The following KIAA1217 variants were observed in gnomAD, a reference collection of about 807,000 sequenced individuals.
The protein encoded by KIAA1217 is sickle tail protein homolog.
A neutral mutation model predicts 163.9 loss-of-function variants in KIAA1217; 88 were observed. That is an observed-to-expected ratio of 0.54 (90% CI 0.45 to 0.64). KIAA1217 has a LOEUF of 0.64. Ranked by LOEUF, KIAA1217 falls within the 30% of genes least tolerant of loss-of-function variation. The pLI is 0.00. For missense variants in KIAA1217, 2,372 were observed against 2,475.0 expected, an observed-to-expected ratio of 0.96 and a Z score of 0.88; for synonymous variants, 903 against 923.1, an observed-to-expected ratio of 0.98 and a Z score of 0.39.
intron 1 of KIAA1217, among the ~76,000 whole-genome samples, chr10:23,924,714 T>C (rs1842959865): frequency 6.6e-6 from 1 of 152,208 alleles, no homozygotes; most frequent in East Asian, 1.9e-4. Flanking sequence ...TTGCAAATAA[T>C]CTGTATGAAA....
intron 2 of KIAA1217, among the ~76,000 whole-genome samples, chr10:24,140,516 G>A (rs2064019040): frequency 6.6e-6 from 1 of 152,110 alleles, no homozygotes; most frequent in Non-Finnish European, 1.5e-5. Context: ...TGATAACCCA[G>A]ACAGCTCCTA....
chr10:23,711,786 C>T (rs1029532970), intron 1 of KIAA1217, among the ~76,000 whole-genome samples: 13 of 151,996 alleles, frequency 8.6e-5, no homozygotes, highest in Admixed American at 1.3e-4. Flanking sequence ...CTGGGGAAGA[C>T]GAGTGAGAGA....
intron 1 of KIAA1217, among the ~76,000 whole-genome samples, chr10:23,750,231 G>T (rs946010412): frequency 6.6e-6 from 1 of 152,076 alleles, no homozygotes; most frequent in African/African-American, 2.4e-5. Context: ...TCTGCTTAAT[G>T]CCCTTCCATT....
chr10:23,775,277 G>A (rs73604417), intron 1 of KIAA1217, among the ~76,000 whole-genome samples: 2,886 of 152,228 alleles, frequency 0.019, 93 homozygotes, highest in African/African-American at 0.066. Context: ...TTGATTAATA[G>A]GTTGGCTAAC....
chr10:24,009,085 G>A (rs906685652), intron 2 of KIAA1217, among the ~76,000 whole-genome samples: 9 of 152,176 alleles, frequency 5.9e-5, no homozygotes, highest in African/African-American at 2.2e-4. Context: ...TGACTGTTTT[G>A]TTGCCTGAAT....
At chr10:23,966,247 C>T (rs1845061393) in intron 1 of KIAA1217, among the ~76,000 whole-genome samples, 1 of 152,178 alleles carries the variant, frequency 6.6e-6, no homozygotes, top group African/African-American at 2.4e-5. Flanking sequence ...CCTCTGTGGG[C>T]ACTACCTTTG....
intron 1 of KIAA1217, among the ~76,000 whole-genome samples, chr10:23,870,432 G>T (rs568720530): frequency 6.6e-6 from 1 of 152,128 alleles, no homozygotes; most frequent in Non-Finnish European, 1.5e-5. Flanking sequence ...ATTGAGTCAA[G>T]CCATAATCAG....
At chr10:24,504,799 C>T (rs2068120493) in intron 9 of KIAA1217, among the ~76,000 whole-genome samples, 1 of 152,156 alleles carries the variant, frequency 6.6e-6, no homozygotes, top group South Asian at 2.1e-4. Context: ...ATTTTCAAAA[C>T]TGATGGATTA....
At chr10:23,895,617 T>C (rs1824607501) in intron 1 of KIAA1217, among the ~76,000 whole-genome samples, 1 of 152,090 alleles carries the variant, frequency 6.6e-6, no homozygotes, top group Admixed American at 6.6e-5. Context: ...AGAAATACCA[T>C]TTGACCCAGC....
intron 1 of KIAA1217, among the ~76,000 whole-genome samples, chr10:24,007,021 A>C (rs1166416198): frequency 6.6e-6 from 1 of 152,202 alleles, no homozygotes; most frequent in Non-Finnish European, 1.5e-5. Context: ...AAATACTGGA[A>C]AACTGAAGTT....
At chr10:24,047,043 T>A (rs1474441564) in intron 2 of KIAA1217, among the ~76,000 whole-genome samples, 1 of 152,216 alleles carries the variant, frequency 6.6e-6, no homozygotes, top group African/African-American at 2.4e-5. Flanking sequence ...TATTGTATCT[T>A]AAACAAAACA....
intron 1 of KIAA1217, among the ~76,000 whole-genome samples, chr10:23,959,365 GT>G (rs891652186): frequency 2.6e-5 from 4 of 151,900 alleles, no homozygotes; most frequent in African/African-American, 9.7e-5. Context: ...AATTATCTCA[GT>G]TTAAAAATTA....
rs150248340 is a variant in KIAA1217, at chr10:24,401,927, A to G, written c.553+20860A>G. 5.9e-3 allele frequency among the ~76,000 whole-genome samples: 896 copies of G among 152,338 alleles called. 11 individuals carry two copies. Among genetic ancestry groups the G allele is most frequent in the African/African-American group, 0.02 (835 of 41,574 alleles). ...TAAGAATGAGCAAATGGAAGCCAAA[A>G]TAAAAAACACAGTACCATTTACAGT... On this transcript the variant is annotated intron_variant, in intron 3 of 20. Transcript: ENST00000376454.
intron 2 of KIAA1217, among the ~76,000 whole-genome samples, chr10:24,280,085 G>A (rs1322685700): frequency 1.3e-5 from 2 of 152,184 alleles, no homozygotes; most frequent in Admixed American, 6.5e-5. Context: ...AGAGGTTGAT[G>A]TTCTTCCTTT....
intron 16 of KIAA1217, among the ~76,000 whole-genome samples, chr10:24,534,233 AG>A (rs966884192): frequency 1.3e-5 from 2 of 152,212 alleles, no homozygotes; most frequent in African/African-American, 4.8e-5. Context: ...TGGATTTTGC[AG>A]GGAAAACAGA....
intron 2 of KIAA1217, among the ~76,000 whole-genome samples, chr10:24,220,615 C>T (rs921352720): frequency 6.6e-6 from 1 of 151,472 alleles, no homozygotes; most frequent in African/African-American, 2.4e-5. Context: ...CCACCATGCC[C>T]GGCTAATTTT....
intron 1 of KIAA1217, among the ~76,000 whole-genome samples, chr10:24,004,503 A>G (rs1481385787): frequency 6.6e-6 from 1 of 152,274 alleles, no homozygotes; most frequent in East Asian, 1.9e-4. Flanking sequence ...ATATTCTAAT[A>G]TACTTTTCAA....
At chr10:23,887,310 G>C (rs1841223244) in intron 1 of KIAA1217, among the ~76,000 whole-genome samples, 1 of 151,896 alleles carries the variant, frequency 6.6e-6, no homozygotes, top group Non-Finnish European at 1.5e-5. Flanking sequence ...TTGTGTCAAT[G>C]CTGGGACACA....
intron 2 of KIAA1217, among the ~76,000 whole-genome samples, chr10:24,273,832 G>A (rs1336187): frequency 0.49 from 71,856 of 147,716 alleles, 17,692 homozygotes; most frequent in Middle Eastern, 0.63. Context: ...TAGCCTGGGC[G>A]ACAGAACAAG....
Sources: gnomAD v4.1 joint callset for allele counts (sites outside exome capture counted in the v4.1 genomes callset) on GRCh38, gnomAD v4.1.1 for gene constraint, MANE v1.5 for transcripts, NCBI Gene and HGNC (gene_info 2026-07-23, HGNC 2026-07-21) for gene names.